SLTM: variants seen among roughly 807,000 people sequenced by gnomAD.
SLTM encodes the protein SAFB like transcription modulator, also known as SAFB-like transcription modulator.
SLTM carries 43 observed loss-of-function variants against 134.6 expected under a neutral mutation model. The observed-to-expected ratio is 0.32, with a 90% CI of 0.25 to 0.41. The LOEUF is 0.41. Among genes scored for constraint, SLTM ranks in the 10% least tolerant of loss-of-function variants. The pLI, the probability that SLTM is intolerant of heterozygous loss-of-function variation, is 1.00. For missense variants in SLTM, 1,055 were observed against 1,288.8 expected, an observed-to-expected ratio of 0.82 and a Z score of 2.78; for synonymous variants, 424 against 432.3, an observed-to-expected ratio of 0.98 and a Z score of 0.24.
intron 9 of SLTM, among the ~76,000 whole-genome samples, chr15:58,895,256 G>T (rs1006299544): frequency 6.6e-6 from 1 of 152,136 alleles, no homozygotes; most frequent in Non-Finnish European, 1.5e-5. Context: ...GTATTTTATT[G>T]ATGAGTGTTA....
At chr15:58,920,038 G>A (rs145718052) in intron 2 of SLTM, among the ~76,000 whole-genome samples, 355 of 152,212 alleles carry the variant, frequency 2.3e-3, no homozygotes, top group Non-Finnish European at 4.1e-3. Context: ...CTTTGAGGCC[G>A]GGCGCAGTGC....
chr15:58,909,078 T>C (rs545657970), intron 5 of SLTM, among the ~76,000 whole-genome samples: 1 of 152,350 alleles, frequency 6.6e-6, no homozygotes, highest in South Asian at 2.1e-4. Context: ...CTCCACCACC[T>C]AGATTGTTGT....
At chr15:58,917,853 G>C (rs2036756357) in intron 2 of SLTM, among the ~76,000 whole-genome samples, 1 of 152,062 alleles carries the variant, frequency 6.6e-6, no homozygotes, top group African/African-American at 2.4e-5. Flanking sequence ...GGGTTCAAGA[G>C]ATTCTCCTAC....
chr15:58,879,909 G>C lies in SLTM; in HGVS notation c.*90C>G. On this transcript the variant is annotated 3_prime_UTR_variant, in exon 21 of 21. Coordinates refer to ENST00000380516, the MANE Select transcript of SLTM (RefSeq NM_024755.4). ...AAGAAAAGTCTGACAGAACTCTCAA[G>C]CAAGTCAGAGGTCCTCTTCATAAGT... 2.8e-6 allele frequency: 4 copies of C among 1,431,808 alleles called. No homozygotes were observed. Among genetic ancestry groups the C allele is most frequent in the Non-Finnish European group, 3.7e-6 (4 of 1,075,128 alleles). 88.7% of individuals were successfully genotyped at this position (1,431,808 alleles called of 1,614,324 possible). A position where few individuals can be genotyped will look rare whatever the true frequency, so the allele number is the denominator to read the frequency against.
chr15:58,920,494 A>G (rs1464454904), intron 2 of SLTM, among the ~76,000 whole-genome samples: 3 of 151,570 alleles, frequency 2.0e-5, no homozygotes, highest in African/African-American at 7.3e-5. Context: ...ATGGTGGCAC[A>G]TGCCTGTAAT....
At chr15:58,925,504 G>A (rs1283209696) in intron 2 of SLTM, among the ~76,000 whole-genome samples, 2 of 151,954 alleles carry the variant, frequency 1.3e-5, no homozygotes, top group Admixed American at 1.3e-4. Context: ...TGCCCAGCTA[G>A]TTTTTGTATT....
chr15:58,929,850 G>C (rs949264924), intron 2 of SLTM, among the ~76,000 whole-genome samples: 3 of 152,148 alleles, frequency 2.0e-5, no homozygotes, highest in Admixed American at 2.0e-4. Flanking sequence ...ATGATCAGTA[G>C]CGCTTGGAAT....
intron 13 of SLTM, 40 bp downstream of exon 13, chr15:58,893,239 C>T: frequency 6.6e-7 from 1 of 1,510,530 alleles, no homozygotes; most frequent in Non-Finnish European, 9.1e-7. Context: ...CTTTTGTAAA[C>T]AGCTGAAGTA....
intron 5 of SLTM, among the ~76,000 whole-genome samples, chr15:58,911,647 T>C (rs1181506018): frequency 6.6e-6 from 1 of 152,180 alleles, no homozygotes. Flanking sequence ...TAGTCACAGA[T>C]ATGAGAAAAA....
chr15:58,932,912 C>CT (rs1273494215), intron 1 of SLTM, among the ~76,000 whole-genome samples: 2 of 152,218 alleles, frequency 1.3e-5, no homozygotes, highest in African/African-American at 4.8e-5. Flanking sequence ...AACAAAAACT[C>CT]TGTCACCCAC....
At chr15:58,916,178 C>CTT (rs11455727) in intron 3 of SLTM, among the ~76,000 whole-genome samples, 2,297 of 138,646 alleles carry the variant, frequency 0.017, 41 homozygotes, top group Non-Finnish European at 0.026. Flanking sequence ...CTCTCTCTCT[C>CTT]TTTTTTTTTT....
chr15:58,923,799 C>CTTTT lies in SLTM; in HGVS notation c.251-6804_251-6801dup, dbSNP rs34100406. ...AGTGTAAGGCAGATTGAAGCCAAACCTTTTTTTTTTTTTTTTTTTTTTTTT... is the reference window on the plus strand; with the variant it reads ...AGTGTAAGGCAGATTGAAGCCAAACCTTTTTTTTTTTTTTTTTTTTTTTTTTTTT... On this transcript the variant is annotated intron_variant, in intron 2 of 20. Coordinates refer to ENST00000380516, the MANE Select transcript of SLTM (RefSeq NM_024755.4). 1.1e-3 allele frequency among the ~76,000 whole-genome samples: 79 copies of CTTTT among 69,594 alleles called. 3 individuals are homozygous for CTTTT. The highest frequency in any genetic ancestry group is 0.014 in the Middle Eastern group (1 of 72). The allele number at this position is 69,594 out of a possible 152,430, so 45.7% of individuals were successfully genotyped here.
chr15:58,902,601 G>A (rs913526481), intron 5 of SLTM, among the ~76,000 whole-genome samples: 4 of 151,216 alleles, frequency 2.6e-5, no homozygotes, highest in African/African-American at 9.7e-5. Flanking sequence ...TATGTTGCCC[G>A]GGCTGGTCTG....
chr15:58,911,357 T>A (rs966233828), intron 5 of SLTM, among the ~76,000 whole-genome samples: 1 of 151,980 alleles, frequency 6.6e-6, no homozygotes, highest in Non-Finnish European at 1.5e-5. Flanking sequence ...CCAGAGGAAA[T>A]AACTGACCTC....
intron 19 of SLTM, among the ~76,000 whole-genome samples, chr15:58,886,681 T>C (rs149238765): frequency 6.6e-5 from 10 of 152,306 alleles, no homozygotes; most frequent in African/African-American, 2.4e-4. Flanking sequence ...AAGTTATCAT[T>C]AGATAGGCTC....
chr15:58,889,403 C>T (rs1479370896), intron 16 of SLTM, 27 bp downstream of exon 16: 2 of 1,612,466 alleles, frequency 1.2e-6, no homozygotes, highest in African/African-American at 1.3e-5. Flanking sequence ...GCAAGGTTAA[C>T]TGTTAAGGAA....
chr15:58,915,066 C>T (rs1420112403), intron 3 of SLTM, among the ~76,000 whole-genome samples: 1 of 152,084 alleles, frequency 6.6e-6, no homozygotes, highest in Non-Finnish European at 1.5e-5. Flanking sequence ...TGCGGTAAGC[C>T]GGTAATCCCA....
rs1231386704 is a variant in SLTM, at chr15:58,880,121, A to T, written c.2997-14T>A. The T allele has an allele frequency of 6.2e-7, 1 of 1,610,432 alleles. No individual in the cohort carries two copies. Among genetic ancestry groups the T allele is most frequent in the Non-Finnish European group, 8.5e-7 (1 of 1,178,080 alleles). On this transcript the variant is annotated splice_polypyrimidine_tract_variant and intron_variant, in intron 20 of 20. Transcript: ENST00000380516. ...GGGGATGCGTTACTGAAAAAGGTTT[A>T]AAAGAAAAAAACATCAGAGAACAAA...
In SLTM at chr15:58,899,481, C is replaced by T. The variant is rs370896277; in HGVS notation, c.1046G>A (p.Gly349Asp). 3.7e-5 allele frequency: 59 copies of T among 1,613,694 alleles called. No homozygotes were observed. The highest frequency in any genetic ancestry group is 4.9e-5 in the Non-Finnish European group (58 of 1,179,818). The change falls in exon 7 of 21, where the codon GGT becomes GAT. Residue 349 changes from glycine (G) to aspartate (D), a missense_variant. Physicochemically the swap from Gly to Asp is moderately conservative, Grantham distance 94. Transcript: ENST00000380516. The surrounding 1 kb of genome is among the most constrained non-coding windows in gnomAD (Gnocchi z 5.0). ...TAGAAAAACAAACCTCTTTGCTTGACCAGAGGCCCCAGTAGACGAGGGCCC... is the reference window on the plus strand; with the variant it reads ...TAGAAAAACAAACCTCTTTGCTTGATCAGAGGCCCCAGTAGACGAGGGCCC... Reference protein sequence around the residue: ...KKGPSSTGASGQAKSSSKESK... With the variant: ...KKGPSSTGASDQAKSSSKESK...
Sources: gnomAD v4.1 joint callset for allele counts (sites outside exome capture counted in the v4.1 genomes callset) on GRCh38, gnomAD v4.1.1 for gene constraint, Gnocchi (gnomAD v3.1) non-coding constraint, MANE v1.5 for transcripts, NCBI Gene and HGNC (gene_info 2026-07-23, HGNC 2026-07-21) for gene names.